The following RIF1 variants were observed in gnomAD, a reference collection of about 807,000 sequenced individuals.
RIF1 encodes the protein replication timing regulatory factor 1.
A neutral mutation model predicts 247.1 loss-of-function variants in RIF1; 45 were observed. The observed-to-expected ratio is 0.18, with a 90% CI of 0.14 to 0.23. RIF1 has a LOEUF of 0.23. Ranked by LOEUF, RIF1 falls within the 10% of genes least tolerant of loss-of-function variation. The pLI is 1.00. For synonymous variants in RIF1, 1,087 were observed against 978.8 expected (o/e 1.11, Z -2.06); for missense variants, 2,967 against 2,862.5 (o/e 1.04, Z -0.83).
rs146212053 is a variant in RIF1 at position 151,415,295 on chromosome 2, C to T, written c.280+376C>T. ...CCGGGAGGCGGAGTTTGCAGTGAGT[C>T]GAGATCGTGCCATTGTACTCTAACC... is the stretch of plus-strand genomic sequence containing the variant. On this transcript the variant is annotated intron_variant, in intron 4 of 35. Coordinates refer to ENST00000444746, the MANE Select transcript of RIF1 (RefSeq NM_018151.5). Among the ~76,000 whole-genome samples the T allele has an allele frequency of 2.3e-3, 344 of 149,568 alleles. 9 individuals are homozygous for T. In the East Asian group the frequency reaches 0.046, roughly 20 times the overall value.
intron 34 of RIF1, among the ~76,000 whole-genome samples, chr2:151,470,330 CAGA>C (rs1231707914): frequency 1.3e-5 from 2 of 152,096 alleles, no homozygotes; most frequent in African/African-American, 4.8e-5. Flanking sequence ...TATATAATTT[CAGA>C]AGGATTCACA....
At chr2:151,427,524 A>G (rs1389946030) in intron 8 of RIF1, among the ~76,000 whole-genome samples, 14 of 120,532 alleles carry the variant, frequency 1.2e-4, no homozygotes, top group Non-Finnish European at 2.2e-4. Flanking sequence ...TTTTTTTTTT[A>G]ATTTTTTTTT....
At position 151,463,166 on chromosome 2, in the gene RIF1, A is replaced by T; in HGVS notation, c.3646A>T (p.Ser1216Cys). 1 of 1,614,170 alleles carries T rather than the reference A, an allele frequency of 6.2e-7. No individual in the cohort carries two copies. The highest frequency in any genetic ancestry group is 1.3e-5 in the African/African-American group (1 of 75,058). The change falls in exon 30 of 36, where the codon AGT becomes TGT. Residue 1216 changes from serine to cysteine, a missense_variant. Ser to Cys is a moderately radical substitution (Grantham distance 112). Coordinates refer to ENST00000444746, the MANE Select transcript of RIF1 (RefSeq NM_018151.5). ...TVAGTPPYPT[S>C]RRQTFITLEK... ...TGCTGGAACTCCCCCATACCCTACA[A>T]GTCGGAGGCAAACCTTTATTACTTT...
At chr2:151,413,221 G>A (rs1014101006) in intron 3 of RIF1, among the ~76,000 whole-genome samples, 2 of 151,528 alleles carry the variant, frequency 1.3e-5, no homozygotes, top group African/African-American at 4.8e-5. Flanking sequence ...TAGTAGAGAC[G>A]GGGGTTTCTC....
intron 6 of RIF1, among the ~76,000 whole-genome samples, chr2:151,418,008 A>G (rs939745108): frequency 4.6e-5 from 7 of 152,208 alleles, no homozygotes; most frequent in African/African-American, 1.7e-4. Context: ...AGATTAAAAA[A>G]TGGTACACCT....
Position 151,446,471 on chromosome 2 carries a change from G to A in RIF1, c.2140G>A (p.Ala714Thr). The change falls in exon 20 of 36, where the codon GCA becomes ACA. Residue 714 changes from alanine (A) to threonine (T), a missense_variant. Ala to Thr is a moderately conservative substitution (Grantham distance 58). Coordinates refer to ENST00000444746, the MANE Select transcript of RIF1 (RefSeq NM_018151.5). Reference protein sequence around the residue: ...LLRTWSELYRAFARCAALVAT... With the variant: ...LLRTWSELYRTFARCAALVAT... ...TAGAACTTGGTCAGAATTATATAGAGCATTTGCTCGTTGTGCTGCTTTGGT... is the reference window on the plus strand; with the variant it reads ...TAGAACTTGGTCAGAATTATATAGAACATTTGCTCGTTGTGCTGCTTTGGT... 1 of 1,614,030 alleles carries A rather than the reference G, an allele frequency of 6.2e-7. No individual in the cohort carries two copies. Among genetic ancestry groups the A allele is most frequent in the East Asian group, 2.2e-5 (1 of 44,878 alleles).
At chr2:151,470,722 G>A (rs926023421) in intron 34 of RIF1, among the ~76,000 whole-genome samples, 1 of 152,098 alleles carries the variant, frequency 6.6e-6, no homozygotes, top group Non-Finnish European at 1.5e-5. Context: ...GACTTCTGCT[G>A]TATTCTTGAA....
Position 151,466,028 on chromosome 2 carries a change from G to A in RIF1, c.6508G>A (p.Val2170Ile), listed in dbSNP as rs892825150. ...TCCTAGTGGCATGCAGACACGCTGT[G>A]TCTGGTCTCCTTTGGCTTCTCCGTC... Reference protein sequence around the residue: ...DSPSGMQTRCVWSPLASPSTS... With the variant: ...DSPSGMQTRCIWSPLASPSTS... Residue 2170 changes from valine to isoleucine, a missense_variant, in exon 30 of 36, where the codon GTC becomes ATC. By Grantham distance (29) the Val-to-Ile change is conservative (BLOSUM62 3). Coordinates refer to ENST00000444746, the MANE Select transcript of RIF1 (RefSeq NM_018151.5). The A allele has an allele frequency of 3.1e-6, 5 of 1,614,058 alleles. No individual in the cohort carries two copies. Among genetic ancestry groups the A allele is most frequent in the Non-Finnish European group, 4.2e-6 (5 of 1,179,962 alleles).
intron 18 of RIF1, among the ~76,000 whole-genome samples, chr2:151,444,357 T>G (rs1009648644): frequency 3.9e-5 from 6 of 152,228 alleles, no homozygotes; most frequent in African/African-American, 1.2e-4. Context: ...TCACCCAGGC[T>G]AGAGTACAGT....
chr2:151,471,968 C>T (rs1466454665), intron 34 of RIF1, among the ~76,000 whole-genome samples: 1 of 152,034 alleles, frequency 6.6e-6, no homozygotes, highest in African/African-American at 2.4e-5. Flanking sequence ...GGCAGTATGG[C>T]GATTTTCACA....
chr2:151,485,238 G>C (rs2049530846), downstream of RIF1: 1 of 152,164 alleles, frequency 6.6e-6, no homozygotes, highest in Non-Finnish European at 1.5e-5. Context: ...TTTAAATTTA[G>C]ATAATTTTTT....
At chr2:151,532,227 C>T in the RIF1 span, 1 of 228,762 alleles carries the variant, frequency 4.4e-6, no homozygotes, top group Non-Finnish European at 8.7e-6. Flanking sequence ...CTCCCAAGTT[C>T]CAATATGTTT....
In RIF1 at chr2:151,492,375, T is replaced by C; in HGVS notation, c.*416-2854T>C. The C allele has an allele frequency of 1.9e-6, 3 of 1,596,316 alleles. No individual in the cohort carries two copies. The highest frequency in any genetic ancestry group is 2.6e-6 in the Non-Finnish European group (3 of 1,169,558). The stretch of plus-strand genomic sequence containing the variant: ...CAGGCAGCCAGCCAATCCTAAAGAA[T>C]TCCTGACTCACCGTTGAGATGTGCC... On this transcript the variant is annotated intron_variant and NMD_transcript_variant, in intron 9 of 13. Coordinates refer to the RIF1 transcript ENST00000454583.
rs1365047110 is a variant in RIF1, at chr2:151,480,329, G to T, written c.*5258G>T. On this transcript the variant is annotated 3_prime_UTR_variant, in exon 36 of 36. Transcript: ENST00000444746. ...ATTGTAGATAAAGCTGAATTTACTG[G>T]GCAGCAAGCTTATATGCTGATAGAA... is the stretch of plus-strand genomic sequence containing the variant. The T allele has an allele frequency of 6.6e-6, 1 of 152,086 alleles. No homozygotes were observed. The highest frequency in any genetic ancestry group is 2.4e-5 in the African/African-American group (1 of 41,420). The allele number at this position is 152,086 out of a possible 1,614,324, so 9.4% of individuals were successfully genotyped here. A position where few individuals can be genotyped will look rare whatever the true frequency, so the allele number is the denominator to read the frequency against.
rs951214815 is a variant in RIF1 at position 151,473,827 on chromosome 2, C to G, written c.7096-137C>G. 6 of 647,748 alleles carry G rather than the reference C, an allele frequency of 9.3e-6. No individual in the cohort carries two copies. The African/African-American group carries it at 1.1e-4, about 12-fold the overall frequency. The allele number at this position is 647,748 out of a possible 1,614,324, so 40.1% of individuals were successfully genotyped here. ...ACCTACTTTCTTAGCAGTATTAGCT[C>G]TTAATTGTGATGGGTGGTAGAACAT... On this transcript the variant is annotated intron_variant, in intron 34 of 35. Coordinates refer to ENST00000444746, the MANE Select transcript of RIF1 (RefSeq NM_018151.5).
Position 151,416,500 on chromosome 2 carries a change from TATTTGAGACTTTAAAG to T in RIF1, c.281-59_281-44del, listed in dbSNP as rs1687248787. The stretch of plus-strand genomic sequence containing the variant: ...GAGTATATTGTTTTCTCTAGTTTTA[TATTTGAGACTTTAAAG>T]AGTATCACCTATTCTATACAAAATT... On this transcript the variant is annotated intron_variant, in intron 4 of 35. Coordinates refer to ENST00000444746, the MANE Select transcript of RIF1 (RefSeq NM_018151.5). The T allele has an allele frequency of 7.8e-6, 11 of 1,401,476 alleles. No homozygotes were observed. In the Admixed American group the frequency reaches 2.5e-4, roughly 32 times the overall value. The allele number at this position is 1,401,476 out of a possible 1,614,324, so 86.8% of individuals were successfully genotyped here.
chr2:151,501,247 T>C, intron 11 of RIF1: 1 of 538,706 alleles, frequency 1.9e-6, no homozygotes, highest in Non-Finnish European at 3.3e-6. Flanking sequence ...GAGTAGGAGA[T>C]CTGGAAAACA....
chr2:151,463,543 T>C lies in RIF1; in HGVS notation c.4023T>C (p.Asn1341=), dbSNP rs983043277. The change falls in exon 30 of 36, where the codon AAT becomes AAC. Residue 1341 remains asparagine, a synonymous_variant. Coordinates refer to ENST00000444746, the MANE Select transcript of RIF1 (RefSeq NM_018151.5). ...ATCAAACAGAATGTGTGTCAGATAATCAGGTTCATCTTTCTGAATCTACAA... is the reference window on the plus strand; with the variant it reads ...ATCAAACAGAATGTGTGTCAGATAACCAGGTTCATCTTTCTGAATCTACAA... ...LLNQTECVSD[N]QVHLSESTME... 1 of 1,613,870 alleles carries C rather than the reference T, an allele frequency of 6.2e-7. No individual in the cohort carries two copies. Among genetic ancestry groups the C allele is most frequent in the African/African-American group, 1.3e-5 (1 of 74,914 alleles).
chr2:151,414,918 A>G lies in RIF1; in HGVS notation c.279A>G (p.Ser93=), dbSNP rs1416691787. The G allele has an allele frequency of 6.3e-7, 1 of 1,579,232 alleles. No individual in the cohort carries two copies. Among genetic ancestry groups the G allele is most frequent in the Admixed American group, 1.7e-5 (1 of 59,654 alleles). The change falls in exon 4 of 36, where the codon TCA becomes TCG. Residue 93 remains serine, a splice_region_variant and synonymous_variant. Transcript: ENST00000444746. ...ATCCCAAAATTACCTCAGAATTATC[A>G]GGTAGATAAATTTCTTATGACTTAA... The part of the protein sequence containing the change: ...LYNPKITSEL[S]EANALELLSK...
Sources: gnomAD v4.1 joint callset for allele counts (sites outside exome capture counted in the v4.1 genomes callset) on GRCh38, gnomAD v4.1.1 for gene constraint, MANE v1.5 for transcripts, NCBI Gene and HGNC (gene_info 2026-07-23, HGNC 2026-07-21) for gene names.